Variants in SNX7 observed in about 807,000 individuals in gnomAD.
The protein encoded by SNX7 is sorting nexin-7.
In SNX7, 35 loss-of-function variants were observed where a neutral mutation model predicts 48.4. That is an observed-to-expected ratio of 0.72 (90% CI 0.55 to 0.96). The LOEUF (loss-of-function observed/expected upper bound fraction) is 0.96. SNX7 is among the 40% of genes least tolerant of loss of function. The pLI is 0.00. For missense variants in SNX7, 553 were observed against 548.9 expected (o/e 1.01, Z -0.07); for synonymous variants, 190 against 190.2 (o/e 1.00, Z 0.01).
At chr1:98,672,050 T>A (rs1413641103) in intron 1 of SNX7, among the ~76,000 whole-genome samples, 1 of 152,212 alleles carries the variant, frequency 6.6e-6, no homozygotes, top group Non-Finnish European at 1.5e-5. Context: ...TAATTTGTTC[T>A]GAGAAAAATG....
intron 6 of SNX7, among the ~76,000 whole-genome samples, chr1:98,700,470 A>G (rs546580619): frequency 6.4e-4 from 98 of 152,288 alleles, no homozygotes; most frequent in African/African-American, 2.3e-3. Flanking sequence ...ATTGAGGTAA[A>G]TATAAAGGAA....
chr1:98,679,633 A>G (rs918714381), intron 1 of SNX7, among the ~76,000 whole-genome samples: 4 of 152,166 alleles, frequency 2.6e-5, no homozygotes, highest in Non-Finnish European at 5.9e-5. Flanking sequence ...ACCCATTCCA[A>G]ATGGGAGAAA....
At chr1:98,705,947 A>G (rs1034719097) in intron 7 of SNX7, among the ~76,000 whole-genome samples, 1 of 152,156 alleles carries the variant, frequency 6.6e-6, no homozygotes, top group African/African-American at 2.4e-5. Flanking sequence ...GTTGTTAATA[A>G]CTAACATTTC....
intron 1 of SNX7, among the ~76,000 whole-genome samples, chr1:98,681,514 C>T (rs934062102): frequency 1.3e-5 from 2 of 152,060 alleles, no homozygotes; most frequent in African/African-American, 4.8e-5. Flanking sequence ...TAATTTTTTT[C>T]TTAAACCTCT....
chr1:98,676,304 A>G (rs144826037), intron 1 of SNX7, among the ~76,000 whole-genome samples: 2 of 152,154 alleles, frequency 1.3e-5, no homozygotes, highest in Non-Finnish European at 1.5e-5. Flanking sequence ...AGAATTCATT[A>G]TACCCTCCCA....
intron 4 of SNX7, among the ~76,000 whole-genome samples, chr1:98,693,589 C>G (rs1306303461): frequency 6.6e-6 from 1 of 152,194 alleles, no homozygotes; most frequent in Non-Finnish European, 1.5e-5. Flanking sequence ...GTGACGTGAG[C>G]TGTCTCTGAT....
At chr1:98,665,358 G>T (rs1649481902) in intron 1 of SNX7, among the ~76,000 whole-genome samples, 1 of 152,084 alleles carries the variant, frequency 6.6e-6, no homozygotes, top group Non-Finnish European at 1.5e-5. Context: ...TGGGAGTTCT[G>T]GAAGGTAGCG....
intron 7 of SNX7, among the ~76,000 whole-genome samples, chr1:98,731,442 T>C (rs960451259): frequency 2.6e-5 from 4 of 152,276 alleles, no homozygotes; most frequent in African/African-American, 9.6e-5. Context: ...AATTCCCTCA[T>C]GTTGCCGTCT....
chr1:98,713,962 ATG>A (rs1295545694), intron 7 of SNX7, among the ~76,000 whole-genome samples: 1 of 152,248 alleles, frequency 6.6e-6, no homozygotes, highest in Non-Finnish European at 1.5e-5. Flanking sequence ...AAGTAAGCAC[ATG>A]TTGGAAAAAT....
Position 98,691,519 on chromosome 1 carries a change from A to G in SNX7, c.475-16A>G. 1.9e-6 allele frequency: 3 copies of G among 1,550,242 alleles called. No homozygotes were observed. Among genetic ancestry groups the G allele is most frequent in the African/African-American group, 1.4e-5 (1 of 71,408 alleles). ...CTAATAATACTTGAATACCTTTTTAATTTTTTTTGCCTTAGCCATTGCCAG... is the reference window on the plus strand; with the variant it reads ...CTAATAATACTTGAATACCTTTTTAGTTTTTTTTGCCTTAGCCATTGCCAG... On this transcript the variant is annotated splice_polypyrimidine_tract_variant and intron_variant, in intron 3 of 8. Transcript: ENST00000306121.
intron 1 of SNX7, among the ~76,000 whole-genome samples, chr1:98,672,748 C>T (rs1181787492): frequency 1.3e-5 from 2 of 149,938 alleles, no homozygotes; most frequent in African/African-American, 2.5e-5. Context: ...CAAGGTGAAA[C>T]CCCGTCTCTA....
chr1:98,661,976 G>A lies in SNX7; in HGVS notation c.180+65G>A, dbSNP rs1649253224. 5 of 1,237,840 alleles carry A rather than the reference G, an allele frequency of 4.0e-6. No homozygotes were observed. The Admixed American group carries it at 1.7e-4, about 42-fold the overall frequency. 76.7% of individuals were successfully genotyped at this position (1,237,840 alleles called of 1,614,324 possible). A position where few individuals can be genotyped will look rare whatever the true frequency, so the allele number is the denominator to read the frequency against. Reference sequence around the variant, plus strand: ...CAACTCCGGGCGTTGCCAGCATTGCGCCGACGGCTGCCTCTGGCGCGCTTG... The same window carrying A: ...CAACTCCGGGCGTTGCCAGCATTGCACCGACGGCTGCCTCTGGCGCGCTTG... On this transcript the variant is annotated intron_variant, in intron 1 of 8. Coordinates refer to ENST00000306121, the MANE Select transcript of SNX7 (RefSeq NM_015976.5).
At chr1:98,672,110 G>A (rs1250503615) in intron 1 of SNX7, among the ~76,000 whole-genome samples, 2 of 152,154 alleles carry the variant, frequency 1.3e-5, no homozygotes, top group African/African-American at 4.8e-5. Context: ...CTCTTCATCA[G>A]CTTTCATTAG....
Position 98,661,783 on chromosome 1 carries a change from G to A in SNX7, c.52G>A (p.Gly18Arg), listed in dbSNP as rs1360393755. The A allele has an allele frequency of 6.4e-6, 8 of 1,242,660 alleles. No individual in the cohort carries two copies. The African/African-American group carries it at 1.2e-4, about 19-fold the overall frequency. The allele number at this position is 1,242,660 out of a possible 1,614,324, so 77.0% of individuals were successfully genotyped here. Residue 18 changes from glycine (G) to arginine (R), a missense_variant, in exon 1 of 9, where the codon GGG becomes AGG. Coordinates refer to ENST00000306121, the MANE Select transcript of SNX7 (RefSeq NM_015976.5). ...SQAPSSGLPAGGANGESPGGG... is the reference protein window; with the variant it reads ...SQAPSSGLPARGANGESPGGG... ...GGCGCCCTCCTCGGGCCTCCCGGCC[G>A]GGGGCGCCAACGGGGAGAGCCCGGG... is the stretch of plus-strand genomic sequence containing the variant.
intron 7 of SNX7, among the ~76,000 whole-genome samples, chr1:98,714,065 A>G (rs1191889935): frequency 6.6e-6 from 1 of 152,224 alleles, no homozygotes; most frequent in Non-Finnish European, 1.5e-5. Context: ...AGAAAAGCAC[A>G]GTACAATAAA....
At chr1:98,742,428 C>A (rs916630028) in intron 8 of SNX7, among the ~76,000 whole-genome samples, 3 of 152,068 alleles carry the variant, frequency 2.0e-5, no homozygotes, top group Non-Finnish European at 4.4e-5. Context: ...GTCCTCTCTG[C>A]AGTCTTGCTG....
intron 8 of SNX7, among the ~76,000 whole-genome samples, chr1:98,750,471 T>C (rs1483168796): frequency 1.3e-5 from 2 of 152,064 alleles, no homozygotes; most frequent in Admixed American, 6.6e-5. Flanking sequence ...CATATACATA[T>C]ATGTATTTAT....
chr1:98,745,425 C>G (rs1654264509), intron 8 of SNX7, among the ~76,000 whole-genome samples: 1 of 151,926 alleles, frequency 6.6e-6, no homozygotes, highest in Non-Finnish European at 1.5e-5. Context: ...GTCATGCCTC[C>G]TAATAGTTAC....
chr1:98,670,281 A>G (rs996293623), intron 1 of SNX7, among the ~76,000 whole-genome samples: 1 of 151,988 alleles, frequency 6.6e-6, no homozygotes. Context: ...CTTTTACTTG[A>G]AAAAAAACCA....
Sources: gnomAD v4.1 joint callset for allele counts (sites outside exome capture counted in the v4.1 genomes callset) on GRCh38, gnomAD v4.1.1 for gene constraint, MANE v1.5 for transcripts, NCBI Gene and HGNC (gene_info 2026-07-23, HGNC 2026-07-21) for gene names.